Variants in MLLT3 observed in about 807,000 individuals in gnomAD.
MLLT3 encodes the protein MLLT3 super elongation complex subunit, also known as protein AF-9.
Under a neutral mutation model 53.2 loss-of-function variants are expected in MLLT3, and 4 were observed. The ratio of observed to expected loss-of-function variants is 0.08; its 90% CI spans 0.04 to 0.17. The LOEUF (loss-of-function observed/expected upper bound fraction) is 0.17. MLLT3 is among the 10% of genes least tolerant of loss of function. MLLT3 has a pLI of 1.00. For synonymous variants in MLLT3, 283 were observed against 230.6 expected, an observed-to-expected ratio of 1.23 and a Z score of -2.06; for missense variants, 569 against 684.0, an observed-to-expected ratio of 0.83 and a Z score of 1.87.
At chr9:20,363,712 A>G in intron 6 of MLLT3, 107 bp from the exon 7 acceptor site, 1 of 998,438 alleles carries the variant, frequency 1.0e-6, no homozygotes, top group Non-Finnish European at 1.4e-6. Flanking sequence ...GTTAAAAATA[A>G]TCATCATATA....
In MLLT3 at chr9:20,345,551, A is replaced by T; in HGVS notation, c.*892T>A. On this transcript the variant is annotated 3_prime_UTR_variant, in exon 11 of 11. Coordinates refer to ENST00000380338, the MANE Select transcript of MLLT3 (RefSeq NM_004529.4). ...GCCTTTACTTCCATATTCACCTAAT[A>T]TTGTAACAGTAAAACAGACACAAGA... is the stretch of plus-strand genomic sequence containing the variant. 4.9e-6 allele frequency: 1 copy of T among 202,460 alleles called. No homozygotes were observed. The highest frequency in any genetic ancestry group is 7.6e-5 in the East Asian group (1 of 13,156). 12.5% of individuals were successfully genotyped at this position (202,460 alleles called of 1,614,324 possible).
chr9:20,388,064 G>C (rs554292420), intron 5 of MLLT3, among the ~76,000 whole-genome samples: 1 of 152,182 alleles, frequency 6.6e-6, no homozygotes, highest in South Asian at 2.1e-4. Context: ...TCAGTATTTT[G>C]ATTATTACCT....
At chr9:20,471,686 C>T (rs1563978892) in intron 2 of MLLT3, among the ~76,000 whole-genome samples, 1 of 152,016 alleles carries the variant, frequency 6.6e-6, no homozygotes, top group Non-Finnish European at 1.5e-5. Context: ...AAACATTCGT[C>T]TTAAAACATA....
chr9:20,377,672 G>A (rs1015691333), intron 5 of MLLT3, among the ~76,000 whole-genome samples: 4 of 152,100 alleles, frequency 2.6e-5, no homozygotes, highest in African/African-American at 7.2e-5. Context: ...ATGTCAAGAA[G>A]TATTAATTTT....
intron 5 of MLLT3, among the ~76,000 whole-genome samples, chr9:20,396,164 T>C (rs1044831173): frequency 6.6e-6 from 1 of 152,050 alleles, no homozygotes; most frequent in African/African-American, 2.4e-5. Context: ...TTCAGGGTTT[T>C]TTTTTTAAGA....
chr9:20,575,371 T>C (rs1487319230), intron 2 of MLLT3, among the ~76,000 whole-genome samples: 2 of 152,164 alleles, frequency 1.3e-5, no homozygotes, highest in African/African-American at 4.8e-5. Flanking sequence ...AAATTACAGA[T>C]ACAACTCGCA....
chr9:20,614,321 G>T (rs1820771374), intron 2 of MLLT3, among the ~76,000 whole-genome samples: 1 of 151,744 alleles, frequency 6.6e-6, no homozygotes, highest in Non-Finnish European at 1.5e-5. Flanking sequence ...TTGAACCCGG[G>T]AGGCAGAAGT....
chr9:20,554,783 CT>C (rs961584711), intron 2 of MLLT3, among the ~76,000 whole-genome samples: 1 of 152,120 alleles, frequency 6.6e-6, no homozygotes, highest in African/African-American at 2.4e-5. Flanking sequence ...CGAAACCTGG[CT>C]TTTTGCTTTT....
chr9:20,606,006 G>C (rs925762966), intron 2 of MLLT3, among the ~76,000 whole-genome samples: 2 of 152,072 alleles, frequency 1.3e-5, no homozygotes, highest in Non-Finnish European at 2.9e-5. Flanking sequence ...CCAAATGCTG[G>C]GTTAATATGT....
intron 2 of MLLT3, among the ~76,000 whole-genome samples, chr9:20,507,759 A>AAAC (rs56657046): frequency 1.3e-5 from 2 of 151,062 alleles, no homozygotes; most frequent in African/African-American, 4.9e-5. Flanking sequence ...AAAAAAAAAA[A>AAAC]CAAATCTCAA....
intron 2 of MLLT3, among the ~76,000 whole-genome samples, chr9:20,479,644 G>A (rs976667989): frequency 1.3e-4 from 20 of 152,136 alleles, no homozygotes; most frequent in African/African-American, 4.3e-4. Flanking sequence ...AATTTCCCAT[G>A]ACTCCGTTTC....
At chr9:20,368,808 C>T (rs1453186518) in intron 5 of MLLT3, among the ~76,000 whole-genome samples, 1 of 152,116 alleles carries the variant, frequency 6.6e-6, no homozygotes, top group African/African-American at 2.4e-5. Context: ...GACATTAATT[C>T]TACAAGGACA....
intron 2 of MLLT3, among the ~76,000 whole-genome samples, chr9:20,570,716 C>G (rs1282885544): frequency 1.3e-5 from 2 of 150,410 alleles, no homozygotes; most frequent in Admixed American, 6.6e-5. Context: ...TTTCAAATTA[C>G]TTAGAAATTC....
At chr9:20,507,340 G>A (rs1188366319) in intron 2 of MLLT3, among the ~76,000 whole-genome samples, 1 of 152,152 alleles carries the variant, frequency 6.6e-6, no homozygotes, top group African/African-American at 2.4e-5. Context: ...ATCAGTGTCT[G>A]GGGAAGAGCT....
chr9:20,611,372 T>A (rs966888657), intron 2 of MLLT3, among the ~76,000 whole-genome samples: 1 of 152,106 alleles, frequency 6.6e-6, no homozygotes, highest in Non-Finnish European at 1.5e-5. Flanking sequence ...TTATTATTAA[T>A]ACTTCAGGAA....
At chr9:20,409,276 G>GT (rs1182734967) in intron 5 of MLLT3, among the ~76,000 whole-genome samples, 2 of 152,064 alleles carry the variant, frequency 1.3e-5, no homozygotes, top group African/African-American at 4.8e-5. Context: ...TTCATTTACT[G>GT]TTTTTTTCCT....
chr9:20,459,177 G>T (rs115879953), intron 2 of MLLT3, among the ~76,000 whole-genome samples: 9 of 152,238 alleles, frequency 5.9e-5, no homozygotes, highest in African/African-American at 2.2e-4. Flanking sequence ...CATTCCACAA[G>T]CAGAAATATG....
chr9:20,611,488 GA>G (rs569432468), intron 2 of MLLT3, among the ~76,000 whole-genome samples: 135 of 151,264 alleles, frequency 8.9e-4, no homozygotes, highest in African/African-American at 3.1e-3. Context: ...AAGGAACAAA[GA>G]AAAAAAATCT....
chr9:20,523,597 G>C (rs1048459500), intron 2 of MLLT3, among the ~76,000 whole-genome samples: 2 of 152,180 alleles, frequency 1.3e-5, no homozygotes, highest in Non-Finnish European at 2.9e-5. Flanking sequence ...CTAAATGAAA[G>C]AAGCCAGTCT....
Sources: gnomAD v4.1 joint callset for allele counts (sites outside exome capture counted in the v4.1 genomes callset) on GRCh38, gnomAD v4.1.1 for gene constraint, MANE v1.5 for transcripts, NCBI Gene and HGNC (gene_info 2026-07-23, HGNC 2026-07-21) for gene names.